Variants in RORA observed in about 807,000 individuals in gnomAD.
RORA encodes the protein RAR related orphan receptor A, also known as nuclear receptor ROR-alpha.
RORA carries 7 observed loss-of-function variants against 69.5 expected under a neutral mutation model. The ratio of observed to expected loss-of-function variants is 0.10; its 90% CI spans 0.06 to 0.19. The LOEUF (loss-of-function observed/expected upper bound fraction) is 0.19. Among genes scored for constraint, RORA ranks in the 10% least tolerant of loss-of-function variants. RORA has a pLI of 1.00. For missense variants in RORA, 457 were observed against 663.0 expected, an observed-to-expected ratio of 0.69 and a Z score of 3.41; for synonymous variants, 261 against 240.8, an observed-to-expected ratio of 1.08 and a Z score of -0.78.
At chr15:60,949,207 C>G (rs1486102912) in intron 1 of RORA, among the ~76,000 whole-genome samples, 2 of 152,142 alleles carry the variant, frequency 1.3e-5, no homozygotes, top group African/African-American at 4.8e-5. Context: ...AAGCTCACAG[C>G]CTAACGTGTT....
At chr15:60,631,480 A>T (rs1048336094) in intron 2 of RORA, among the ~76,000 whole-genome samples, 7 of 152,152 alleles carry the variant, frequency 4.6e-5, no homozygotes, top group Non-Finnish European at 7.4e-5. Flanking sequence ...TCATTTCCCT[A>T]ACAGAAAATA....
chr15:60,963,200 C>T (rs1893462239), intron 1 of RORA, among the ~76,000 whole-genome samples: 1 of 152,188 alleles, frequency 6.6e-6, no homozygotes, highest in South Asian at 2.1e-4. Context: ...AAATGACTTG[C>T]CCCCAAGCTG....
intron 9 of RORA, among the ~76,000 whole-genome samples, chr15:60,500,680 T>G (rs184218779): frequency 3.3e-4 from 50 of 152,318 alleles, no homozygotes; most frequent in African/African-American, 1.1e-3. Context: ...GCATTTCTCT[T>G]GGTATCAGGA....
chr15:61,197,598 T>G (rs2079856817), intron 1 of RORA, among the ~76,000 whole-genome samples: 1 of 152,140 alleles, frequency 6.6e-6, no homozygotes, highest in Non-Finnish European at 1.5e-5. Context: ...AGGTAACCTC[T>G]CATTCTAAAC....
intron 1 of RORA, among the ~76,000 whole-genome samples, chr15:61,124,410 G>A (rs1567000268): frequency 1.3e-5 from 2 of 152,238 alleles, no homozygotes; most frequent in East Asian, 1.9e-4. Context: ...GTTTGATGCC[G>A]ATTCAGCACC....
At chr15:61,215,511 A>G (rs2080032730) in intron 1 of RORA, among the ~76,000 whole-genome samples, 1 of 152,238 alleles carries the variant, frequency 6.6e-6, no homozygotes, top group Non-Finnish European at 1.5e-5. Flanking sequence ...CATTGATGCC[A>G]TCATTGACTT....
intron 1 of RORA, among the ~76,000 whole-genome samples, chr15:61,202,031 G>A (rs200933539): frequency 2.8e-5 from 4 of 142,112 alleles, no homozygotes; most frequent in South Asian, 2.2e-4. Context: ...TTTTTGAGAC[G>A]GAGTCTCACT....
chr15:61,024,618 T>C (rs1029004976), intron 1 of RORA, among the ~76,000 whole-genome samples: 1 of 151,644 alleles, frequency 6.6e-6, no homozygotes, highest in African/African-American at 2.4e-5. Flanking sequence ...GCCCAGCTAA[T>C]TTTTGTATTT....
At chr15:60,897,848 G>C (rs922722481) in intron 1 of RORA, among the ~76,000 whole-genome samples, 1 of 152,258 alleles carries the variant, frequency 6.6e-6, no homozygotes, top group African/African-American at 2.4e-5. Flanking sequence ...GCACCAAAGT[G>C]ATGGAATAGG....
chr15:61,003,577 T>C (rs1165556847), intron 1 of RORA, among the ~76,000 whole-genome samples: 1 of 152,210 alleles, frequency 6.6e-6, no homozygotes, highest in East Asian at 1.9e-4. Flanking sequence ...GGTGCCTTCA[T>C]AAGCTTATTG....
At chr15:60,650,374 C>G (rs936063431) in intron 2 of RORA, among the ~76,000 whole-genome samples, 1 of 152,148 alleles carries the variant, frequency 6.6e-6, no homozygotes, top group Non-Finnish European at 1.5e-5. Context: ...ATGCCTCGAC[C>G]TCAGGAGGGC....
chr15:60,851,910 G>C (rs1174251320), intron 1 of RORA, among the ~76,000 whole-genome samples: 2 of 152,138 alleles, frequency 1.3e-5, no homozygotes, highest in African/African-American at 4.8e-5. Flanking sequence ...AGTGTGTGCT[G>C]ATAATGTCTC....
intron 1 of RORA, among the ~76,000 whole-genome samples, chr15:61,214,938 C>T (rs1048911059): frequency 6.9e-6 from 1 of 145,652 alleles, no homozygotes; most frequent in African/African-American, 2.6e-5. Flanking sequence ...GATCTCGGCT[C>T]ACTGTAAGCT....
intron 1 of RORA, among the ~76,000 whole-genome samples, chr15:61,161,174 T>C (rs959765810): frequency 2.6e-5 from 4 of 152,134 alleles, no homozygotes; most frequent in African/African-American, 4.8e-5. Flanking sequence ...GCCAGAAGGA[T>C]TGTGGATCCC....
chr15:60,670,789 T>C lies in RORA; in HGVS notation c.196+7868A>G, dbSNP rs541726135. On this transcript the variant is annotated intron_variant, in intron 2 of 10. Coordinates refer to ENST00000335670, the MANE Select transcript of RORA (RefSeq NM_134261.3). Reference sequence around the variant, plus strand: ...ATGTCAATTATAATCCAAAGGGCCATGTGACTACAAATGCACTAACTTCCT... The same window carrying C: ...ATGTCAATTATAATCCAAAGGGCCACGTGACTACAAATGCACTAACTTCCT... 4.6e-5 allele frequency among the ~76,000 whole-genome samples: 7 copies of C among 152,238 alleles called. No homozygotes were observed. In the East Asian group the frequency reaches 7.7e-4, roughly 17 times the overall value.
chr15:60,683,214 G>GT (rs2070675623), intron 1 of RORA, among the ~76,000 whole-genome samples: 1 of 152,166 alleles, frequency 6.6e-6, no homozygotes, highest in South Asian at 2.1e-4. Context: ...GTCTTGCCAT[G>GT]TTGTTCAGGC....
chr15:60,647,332 C>G (rs1451013628), intron 2 of RORA, among the ~76,000 whole-genome samples: 1 of 152,206 alleles, frequency 6.6e-6, no homozygotes, highest in African/African-American at 2.4e-5. Context: ...GGGTAGTTCC[C>G]TGAGCCAGAA....
chr15:60,920,243 A>C, intron 1 of RORA, among the ~76,000 whole-genome samples: 1 of 152,328 alleles, frequency 6.6e-6, no homozygotes, highest in Middle Eastern at 3.4e-3. Flanking sequence ...CTATCTACGA[A>C]TCAGCCATTT....
intron 1 of RORA, among the ~76,000 whole-genome samples, chr15:61,070,275 A>T (rs1333725754): frequency 2.0e-5 from 3 of 152,180 alleles, no homozygotes; most frequent in Non-Finnish European, 4.4e-5. Context: ...ACACACCCGT[A>T]TGCCCCCATG....
Sources: allele counts gnomAD v4.1 joint callset (sites outside exome capture counted in the v4.1 genomes callset), GRCh38; gene constraint gnomAD v4.1.1; transcripts MANE v1.5; gene names NCBI Gene and HGNC (gene_info 2026-07-23, HGNC 2026-07-21).